Variants in SEMA3E observed in about 807,000 individuals in gnomAD.
SEMA3E encodes the protein semaphorin-3E.
Under a neutral mutation model 93.6 loss-of-function variants are expected in SEMA3E, and 49 were observed. The observed-to-expected ratio is 0.52, with a 90% confidence interval of 0.42 to 0.66. The LOEUF is 0.66. Among genes scored for constraint, SEMA3E ranks in the 30% least tolerant of loss-of-function variants. The probability of loss-of-function intolerance (pLI) is 0.00; values close to 1 mark genes in which losing one functional copy is unlikely to be tolerated. For missense variants in SEMA3E, 906 were observed against 964.8 expected (o/e 0.94, Z 0.81); for synonymous variants, 363 against 330.7 (o/e 1.10, Z -1.06).
At chr7:83,617,733 G>A (rs966386012) in intron 1 of SEMA3E, among the ~76,000 whole-genome samples, 1 of 150,134 alleles carries the variant, frequency 6.7e-6, no homozygotes, top group Non-Finnish European at 1.5e-5. Context: ...CTTTTTCAAG[G>A]TCGACTCATG....
chr7:83,648,781 C>G lies in SEMA3E; in HGVS notation c.-239G>C. 1.8e-6 allele frequency: 1 copy of G among 561,772 alleles called. No homozygotes were observed. Among genetic ancestry groups the G allele is most frequent in the South Asian group, 1.9e-5 (1 of 52,448 alleles). The allele number at this position is 561,772 out of a possible 1,614,324, so 34.8% of individuals were successfully genotyped here. A position where few individuals can be genotyped will look rare whatever the true frequency, so the allele number is the denominator to read the frequency against. ...CAAGAGGACATTCCAAAGAGTGAGT[C>G]TTCAGAGCCATGTCCTGTCTAGAGC... On this transcript the variant is annotated 5_prime_UTR_variant, in exon 1 of 17. Coordinates refer to ENST00000643230, the MANE Select transcript of SEMA3E (RefSeq NM_012431.3).
chr7:83,466,774 G>A (rs1388979280), intron 3 of SEMA3E, among the ~76,000 whole-genome samples, 173 bp from the exon 4 acceptor site: 1 of 152,078 alleles, frequency 6.6e-6, no homozygotes, highest in Non-Finnish European at 1.5e-5. Flanking sequence ...GAAGAAACTG[G>A]GGTGATTGAA....
intron 1 of SEMA3E, among the ~76,000 whole-genome samples, chr7:83,510,517 G>A (rs191396865): frequency 4.7e-4 from 71 of 152,074 alleles, no homozygotes; most frequent in African/African-American, 1.5e-3. Context: ...GTGTACTTGC[G>A]TGCTTCCAAA....
At chr7:83,376,026 T>C (rs2116903343) in intron 16 of SEMA3E, among the ~76,000 whole-genome samples, 1 of 152,242 alleles carries the variant, frequency 6.6e-6, no homozygotes, top group East Asian at 1.9e-4. Context: ...TCTGAATATT[T>C]ACCTGTTGTA....
At chr7:83,452,004 C>A (rs1789370108) in intron 4 of SEMA3E, among the ~76,000 whole-genome samples, 1 of 152,122 alleles carries the variant, frequency 6.6e-6, no homozygotes, top group African/African-American at 2.4e-5. Context: ...TTTGCTGTAG[C>A]CTCAGGATTA....
intron 11 of SEMA3E, among the ~76,000 whole-genome samples, chr7:83,396,957 C>T (rs1005765344): frequency 2.6e-5 from 4 of 151,780 alleles, no homozygotes; most frequent in Non-Finnish European, 5.9e-5. Context: ...TGGTGGGCAC[C>T]TGTAATCCCA....
intron 16 of SEMA3E, among the ~76,000 whole-genome samples, chr7:83,377,801 T>A (rs909933797): frequency 6.6e-6 from 1 of 152,006 alleles, no homozygotes; most frequent in Non-Finnish European, 1.5e-5. Flanking sequence ...CATATTTAAA[T>A]TTTTCCTCAT....
intron 2 of SEMA3E, among the ~76,000 whole-genome samples, chr7:83,487,591 G>A (rs926271812): frequency 6.6e-6 from 1 of 151,884 alleles, no homozygotes; most frequent in African/African-American, 2.4e-5. Flanking sequence ...GAAAAAGAAA[G>A]AGATAGTGGC....
At chr7:83,606,778 A>T (rs200475857) in intron 1 of SEMA3E, among the ~76,000 whole-genome samples, 14 of 30,842 alleles carry the variant, frequency 4.5e-4, no homozygotes, top group Admixed American at 8.9e-4. Flanking sequence ...AAAAAAAATT[A>T]AAAAAAAAAA....
chr7:83,552,004 T>C (rs1791776906), intron 1 of SEMA3E, among the ~76,000 whole-genome samples: 1 of 152,184 alleles, frequency 6.6e-6, no homozygotes, highest in Non-Finnish European at 1.5e-5. Context: ...TGTCTTTGTA[T>C]TATACATGAA....
intron 15 of SEMA3E, among the ~76,000 whole-genome samples, chr7:83,386,321 C>G (rs1215796781): frequency 6.6e-6 from 1 of 152,048 alleles, no homozygotes; most frequent in South Asian, 2.1e-4. Context: ...GGTGTCCCTT[C>G]TTATTATTAC....
At chr7:83,479,745 T>TCAC (rs1321947080) in intron 2 of SEMA3E, among the ~76,000 whole-genome samples, 4 of 152,182 alleles carry the variant, frequency 2.6e-5, no homozygotes, top group Non-Finnish European at 5.9e-5. Context: ...TAATAAGAGG[T>TCAC]AGTGTTCAGA....
intron 1 of SEMA3E, among the ~76,000 whole-genome samples, chr7:83,615,006 A>T (rs973611186): frequency 2.0e-5 from 3 of 152,150 alleles, no homozygotes; most frequent in Admixed American, 2.0e-4. Flanking sequence ...ACACTCACTG[A>T]TCATCCACTT....
intron 2 of SEMA3E, among the ~76,000 whole-genome samples, chr7:83,476,708 T>G (rs1790018068): frequency 6.6e-6 from 1 of 152,214 alleles, no homozygotes; most frequent in Non-Finnish European, 1.5e-5. Context: ...TTCCTTCATT[T>G]GTTTTGGCAG....
chr7:83,454,272 A>AAAAAAAAAATATAT (rs1257792756), intron 4 of SEMA3E, among the ~76,000 whole-genome samples: 28 of 110,096 alleles, frequency 2.5e-4, no homozygotes, highest in African/African-American at 1.2e-3. Context: ...AAAAAAAAAA[A>AAAAAAAAAATATAT]ATATATATAT....
Position 83,365,681 on chromosome 7 carries a change from CTATT to C in SEMA3E, c.*1901_*1904del, listed in dbSNP as rs1314482511. 2.6e-5 allele frequency: 4 copies of C among 152,072 alleles called. No homozygotes were observed. The highest frequency in any genetic ancestry group is 5.9e-5 in the Non-Finnish European group (4 of 67,988). The allele number at this position is 152,072 out of a possible 1,614,324, so 9.4% of individuals were successfully genotyped here. ...TGTGTTATTGCAATTAAAATGATAACTATTTATGTCTTATCTGCCTTTTTAATTT... is the reference window on the plus strand; with the variant it reads ...TGTGTTATTGCAATTAAAATGATAACTATGTCTTATCTGCCTTTTTAATTT... On this transcript the variant is annotated 3_prime_UTR_variant, in exon 17 of 17. Coordinates refer to ENST00000643230, the MANE Select transcript of SEMA3E (RefSeq NM_012431.3).
chr7:83,386,890 A>G, intron 15 of SEMA3E, 93 bp downstream of exon 15: 2 of 1,124,948 alleles, frequency 1.8e-6, no homozygotes. Context: ...TACATGAATC[A>G]CAAAGAAAAA....
rs1562761924 is a variant in SEMA3E, at chr7:83,396,040, G to GT, written c.1458+597_1458+598insA. Among the ~76,000 whole-genome samples, 5 of 63,990 alleles carry GT rather than the reference G, an allele frequency of 7.8e-5. No homozygotes were observed. The East Asian group carries it at 2.6e-3, about 34-fold the overall frequency. 42.0% of individuals were successfully genotyped at this position (63,990 alleles called of 152,430 possible). A position where few individuals can be genotyped will look rare whatever the true frequency, so the allele number is the denominator to read the frequency against. ...AAAACTGCTGCAAATGATACGACTT[G>GT]ATGTGTGTGTGTGTGTGTGTGTGTG... On this transcript the variant is annotated intron_variant, in intron 12 of 16. Transcript: ENST00000643230.
At chr7:83,618,949 CAT>C (rs1793487558) in intron 1 of SEMA3E, among the ~76,000 whole-genome samples, 1 of 151,776 alleles carries the variant, frequency 6.6e-6, no homozygotes, top group Non-Finnish European at 1.5e-5. Flanking sequence ...TGTATACACA[CAT>C]AGAAAAACAT....
Sources: gnomAD v4.1 joint callset for allele counts (sites outside exome capture counted in the v4.1 genomes callset) on GRCh38, gnomAD v4.1.1 for gene constraint, MANE v1.5 for transcripts, NCBI Gene and HGNC (gene_info 2026-07-23, HGNC 2026-07-21) for gene names.